PAX7: variants seen among roughly 807,000 people sequenced by gnomAD.
The protein encoded by PAX7 is paired box 7.
Under a neutral mutation model 50.7 loss-of-function variants are expected in PAX7, and 18 were observed. The observed-to-expected ratio is 0.36, with a 90% CI of 0.25 to 0.53. The LOEUF (loss-of-function observed/expected upper bound fraction) is 0.53, where lower values mean the gene tolerates loss of function less well. Ranked by LOEUF, PAX7 falls within the 20% of genes least tolerant of loss-of-function variation. PAX7 has a pLI of 0.93. For missense variants in PAX7, 644 were observed against 702.9 expected (o/e 0.92, Z 0.95); for synonymous variants, 310 against 290.4 (o/e 1.07, Z -0.69).
At chr1:18,671,048 C>T (rs904210443) in intron 4 of PAX7, among the ~76,000 whole-genome samples, 1 of 152,140 alleles carries the variant, frequency 6.6e-6, no homozygotes, top group African/African-American at 2.4e-5. Flanking sequence ...TACCCCCTCG[C>T]TCCCTCCCTC....
chr1:18,741,570 G>T (rs893471433), intron 8 of PAX7, among the ~76,000 whole-genome samples: 10 of 152,106 alleles, frequency 6.6e-5, no homozygotes, highest in Non-Finnish European at 1.2e-4. Flanking sequence ...AACATCAGAG[G>T]TACCCCCAAA....
intron 7 of PAX7, among the ~76,000 whole-genome samples, chr1:18,730,474 T>C (rs2089632470): frequency 6.6e-6 from 1 of 151,620 alleles, no homozygotes; most frequent in Non-Finnish European, 1.5e-5. Flanking sequence ...TGACCTTCAG[T>C]CTCTAGGCCC....
chr1:18,724,412 C>T (rs544211767), intron 7 of PAX7, among the ~76,000 whole-genome samples: 9 of 152,346 alleles, frequency 5.9e-5, no homozygotes, highest in Admixed American at 3.3e-4. Context: ...AGCCAAGGCA[C>T]ACTGCGGGCA....
intron 4 of PAX7, among the ~76,000 whole-genome samples, chr1:18,655,845 T>C (rs1364514884): frequency 6.6e-6 from 1 of 151,280 alleles, no homozygotes; most frequent in East Asian, 1.9e-4. Context: ...AACCAGGCCC[T>C]GGGAGACCCA....
intron 4 of PAX7, among the ~76,000 whole-genome samples, chr1:18,643,410 G>A (rs2088288827): frequency 6.6e-6 from 1 of 152,224 alleles, no homozygotes; most frequent in East Asian, 1.9e-4. Flanking sequence ...GGAGGAGAGA[G>A]CTAGAAAATT....
chr1:18,737,109 TCCA>T (rs1252963810), intron 8 of PAX7, among the ~76,000 whole-genome samples: 1 of 152,240 alleles, frequency 6.6e-6, no homozygotes, highest in Non-Finnish European at 1.5e-5. Flanking sequence ...GGACACAGCC[TCCA>T]CCGCCTGGCA....
chr1:18,675,175 G>A (rs974053696), intron 4 of PAX7, among the ~76,000 whole-genome samples: 2 of 152,060 alleles, frequency 1.3e-5, no homozygotes, highest in Non-Finnish European at 2.9e-5. Context: ...TGTAGTGCAC[G>A]ATGACTTCCT....
At chr1:18,732,851 G>A (rs1167479945) in intron 7 of PAX7, among the ~76,000 whole-genome samples, 3 of 152,050 alleles carry the variant, frequency 2.0e-5, no homozygotes, top group South Asian at 2.1e-4. Flanking sequence ...CATCCCATCC[G>A]GGCTTGGCAT....
At chr1:18,688,092 G>T (rs1263049460) in intron 4 of PAX7, among the ~76,000 whole-genome samples, 1 of 152,202 alleles carries the variant, frequency 6.6e-6, no homozygotes, top group Non-Finnish European at 1.5e-5. Flanking sequence ...CTGCAGTCAT[G>T]ATTTTGGTCA....
At position 18,655,969 on chromosome 1, in the gene PAX7, T is replaced by A. The variant is rs542885999; in HGVS notation, c.586+19598T>A. 3.9e-5 allele frequency among the ~76,000 whole-genome samples: 6 copies of A among 152,300 alleles called. No individual in the cohort carries two copies. In the South Asian group the frequency reaches 8.3e-4, roughly 21 times the overall value. Reference sequence around the variant, plus strand: ...AGCTTGGGGGTTTGCAGCATCAGACTTGAGCTGGAATCGGCCTTTACCCTC... The same window carrying A: ...AGCTTGGGGGTTTGCAGCATCAGACATGAGCTGGAATCGGCCTTTACCCTC... On this transcript the variant is annotated intron_variant, in intron 4 of 8. Coordinates refer to ENST00000420770, the MANE Select transcript of PAX7 (RefSeq NM_001135254.2).
At chr1:18,730,902 G>A (rs1283017726) in intron 7 of PAX7, among the ~76,000 whole-genome samples, 4 of 151,968 alleles carry the variant, frequency 2.6e-5, no homozygotes, top group African/African-American at 2.4e-5. Flanking sequence ...GAGAGGAAGG[G>A]GTTGGGGGTG....
In PAX7 at chr1:18,634,493, G is replaced by A. The variant is rs776487181; in HGVS notation, c.276G>A (p.Glu92=). 2.5e-5 allele frequency: 40 copies of A among 1,614,000 alleles called. No homozygotes were observed. Among genetic ancestry groups the A allele is most frequent in the Non-Finnish European group, 3.2e-5 (38 of 1,180,056 alleles). The part of the protein sequence containing the change: ...CVSKILCRYQ[E]TGSIRPGAIG... ...CCAAGATTCTTTGCCGCTACCAGGA[G>A]ACCGGGTCCATCCGGCCTGGGGCCA... Residue 92 remains glutamate (E), a synonymous_variant, in exon 2 of 9, where the codon GAG becomes GAA. Coordinates refer to ENST00000420770, the MANE Select transcript of PAX7 (RefSeq NM_001135254.2). This position sits in a 1 kb window ranked among gnomAD's most constrained non-coding sequence, Gnocchi z 4.0.
intron 5 of PAX7, among the ~76,000 whole-genome samples, chr1:18,695,629 A>C (rs1350989416): frequency 6.6e-6 from 1 of 152,146 alleles, no homozygotes; most frequent in African/African-American, 2.4e-5. Context: ...CCAGAGCCAC[A>C]TGAAGGGCAG....
chr1:18,632,727 T>C lies in PAX7; in HGVS notation c.85+1039T>C, dbSNP rs1001985294. Among the ~76,000 whole-genome samples the C allele has an allele frequency of 1.4e-4, 1 of 7,274 alleles. No individual in the cohort carries two copies. Among genetic ancestry groups the C allele is most frequent in the East Asian group, 4.4e-3 (1 of 228 alleles). 4.8% of individuals were successfully genotyped at this position (7,274 alleles called of 152,430 possible). On this transcript the variant is annotated intron_variant, in intron 1 of 8. Transcript: ENST00000420770. The surrounding 1 kb of genome is among the most constrained non-coding windows in gnomAD (Gnocchi z 6.3). ...GGAGAGGAGGCAGGGAGGGGGTGGG[T>C]GGGCTGGCAGCCTGCGATCCGGGAG...
intron 7 of PAX7, among the ~76,000 whole-genome samples, chr1:18,705,315 TGG>T (rs1011554494): frequency 6.6e-6 from 1 of 152,076 alleles, no homozygotes; most frequent in Non-Finnish European, 1.5e-5. Context: ...CTGAACTGGC[TGG>T]GGGAGGACAC....
In PAX7 at chr1:18,745,091, T is replaced by A. The variant is rs1176233500; in HGVS notation, c.*162T>A. The A allele has an allele frequency of 2.8e-5, 17 of 605,532 alleles. No homozygotes were observed. Among genetic ancestry groups the A allele is most frequent in the Non-Finnish European group, 1.8e-5 (6 of 338,270 alleles). 37.5% of individuals were successfully genotyped at this position (605,532 alleles called of 1,614,324 possible). A position where few individuals can be genotyped will look rare whatever the true frequency, so the allele number is the denominator to read the frequency against. ...CCCCTGGAGGTAGACAGCCAGCTTG[T>A]CACTCACCTGTGGTTAGGGATCCAG... is the stretch of plus-strand genomic sequence containing the variant. On this transcript the variant is annotated 3_prime_UTR_variant, in exon 9 of 9. Transcript: ENST00000420770.
intron 7 of PAX7, among the ~76,000 whole-genome samples, chr1:18,714,584 CATGTGATCTTGATAGAGG>C (rs1371004307): frequency 1.3e-5 from 2 of 152,196 alleles, no homozygotes; most frequent in African/African-American, 4.8e-5. Context: ...TCCAAACCAC[CATGTGATCTTGATAGAGG>C]CCTTACTGCT....
In PAX7 at chr1:18,635,129, G is replaced by A. The variant is rs762305801; in HGVS notation, c.340G>A (p.Val114Ile). The A allele has an allele frequency of 5.0e-6, 8 of 1,613,742 alleles. No homozygotes were observed. The East Asian group carries it at 1.3e-4, about 27-fold the overall frequency. Residue 114 changes from valine (V) to isoleucine (I), a missense_variant, in exon 3 of 9, where the codon GTA becomes ATA. Physicochemically the swap from Val to Ile is conservative, Grantham distance 29 (BLOSUM62 3). Transcript: ENST00000420770. ...SKPRQVATPDVEKKIEEYKRE... is the reference protein window; with the variant it reads ...SKPRQVATPDIEKKIEEYKRE... ...TCTGAAGCAGGTGGCGACTCCGGATGTAGAGAAAAAGATTGAGGAGTACAA... is the reference window on the plus strand; with the variant it reads ...TCTGAAGCAGGTGGCGACTCCGGATATAGAGAAAAAGATTGAGGAGTACAA...
intron 4 of PAX7, among the ~76,000 whole-genome samples, chr1:18,648,471 A>C (rs933754416): frequency 6.6e-6 from 1 of 151,156 alleles, no homozygotes; most frequent in African/African-American, 2.4e-5. Flanking sequence ...CCTCCCGAGT[A>C]GCTGGGACTA....
Sources: gnomAD v4.1 joint callset for allele counts (sites outside exome capture counted in the v4.1 genomes callset) on GRCh38, gnomAD v4.1.1 for gene constraint, Gnocchi (gnomAD v3.1) non-coding constraint, MANE v1.5 for transcripts, NCBI Gene and HGNC (gene_info 2026-07-23, HGNC 2026-07-21) for gene names.